GALNTL6: variants seen among roughly 807,000 people sequenced by gnomAD.
The protein encoded by GALNTL6 is polypeptide N-acetylgalactosaminyltransferase-like 6.
GALNTL6 carries 46 observed loss-of-function variants against 73.7 expected under a neutral mutation model. The observed-to-expected ratio is 0.62, with a 90% confidence interval of 0.49 to 0.80. The LOEUF (loss-of-function observed/expected upper bound fraction) is 0.80, where lower values mean the gene tolerates loss of function less well. GALNTL6 is among the 30% of genes least tolerant of loss of function. The probability of loss-of-function intolerance (pLI) is 0.00; values close to 1 mark genes in which losing one functional copy is unlikely to be tolerated. For missense variants in GALNTL6, 604 were observed against 755.0 expected (o/e 0.80, Z 2.34); for synonymous variants, 259 against 263.7 (o/e 0.98, Z 0.17).
At chr4:172,439,851 G>GT (rs1192948521) in intron 5 of GALNTL6, among the ~76,000 whole-genome samples, 1 of 151,962 alleles carries the variant, frequency 6.6e-6, no homozygotes, top group Non-Finnish European at 1.5e-5. Context: ...TGCCCAGTTG[G>GT]TTTCCCCCAT....
chr4:172,385,960 A>G (rs1743454099), intron 5 of GALNTL6, among the ~76,000 whole-genome samples: 1 of 152,070 alleles, frequency 6.6e-6, no homozygotes, highest in Non-Finnish European at 1.5e-5. Context: ...AATTACAATT[A>G]ACTTAAAGCA....
At chr4:172,205,529 C>T (rs549251420) in intron 2 of GALNTL6, among the ~76,000 whole-genome samples, 28 of 152,236 alleles carry the variant, frequency 1.8e-4, no homozygotes, top group African/African-American at 6.5e-4. Context: ...ATTATTAGAT[C>T]CAGGATATTA....
chr4:172,610,766 T>A (rs1325947494), intron 5 of GALNTL6, among the ~76,000 whole-genome samples: 2 of 152,110 alleles, frequency 1.3e-5, no homozygotes, highest in Non-Finnish European at 2.9e-5. Flanking sequence ...TGATGATCTG[T>A]CTAATACTGT....
intron 8 of GALNTL6, among the ~76,000 whole-genome samples, chr4:172,902,406 G>A (rs1055534308): frequency 2.6e-5 from 4 of 152,176 alleles, no homozygotes; most frequent in African/African-American, 7.2e-5. Context: ...CAAGGACTCT[G>A]CTCTGCAGAA....
intron 7 of GALNTL6, among the ~76,000 whole-genome samples, chr4:172,847,797 AT>A (rs1346912869): frequency 6.6e-6 from 1 of 152,164 alleles, no homozygotes; most frequent in Non-Finnish European, 1.5e-5. Flanking sequence ...GAGGACATCT[AT>A]GTAAATCAGT....
intron 5 of GALNTL6, among the ~76,000 whole-genome samples, chr4:172,686,287 C>T (rs1430709766): frequency 6.6e-6 from 1 of 152,120 alleles, no homozygotes; most frequent in East Asian, 1.9e-4. Flanking sequence ...GGTCCTGCAA[C>T]ATCAGCAGGA....
intron 5 of GALNTL6, among the ~76,000 whole-genome samples, chr4:172,714,449 C>G (rs923436977): frequency 1.1e-4 from 16 of 152,036 alleles, no homozygotes. Flanking sequence ...ATCGTAATAC[C>G]TACCTGACAG....
At chr4:171,839,608 A>G (rs1410720325) in intron 2 of GALNTL6, among the ~76,000 whole-genome samples, 5 of 151,928 alleles carry the variant, frequency 3.3e-5, no homozygotes, top group Non-Finnish European at 7.4e-5. Flanking sequence ...ACACATGCAT[A>G]GGTATGATTT....
chr4:172,151,127 G>T (rs1364527544), intron 2 of GALNTL6, among the ~76,000 whole-genome samples: 3 of 152,012 alleles, frequency 2.0e-5, no homozygotes, highest in Admixed American at 6.6e-5. Flanking sequence ...TTGACATCTG[G>T]TTACCATTCT....
At chr4:172,172,545 A>C (rs945930352) in intron 2 of GALNTL6, among the ~76,000 whole-genome samples, 2 of 152,118 alleles carry the variant, frequency 1.3e-5, no homozygotes, top group Non-Finnish European at 2.9e-5. Flanking sequence ...ACACACAAAC[A>C]CACAAAGATC....
intron 11 of GALNTL6, among the ~76,000 whole-genome samples, chr4:173,009,793 C>T (rs973536592): frequency 6.6e-6 from 1 of 152,174 alleles, no homozygotes; most frequent in Non-Finnish European, 1.5e-5. Flanking sequence ...TAAGCAACAG[C>T]ACCCCAACAT....
chr4:172,129,586 G>A (rs184242183), intron 2 of GALNTL6, among the ~76,000 whole-genome samples: 14 of 152,076 alleles, frequency 9.2e-5, no homozygotes, highest in African/African-American at 3.1e-4. Context: ...ACAGATGCAC[G>A]CATCCAAACC....
At chr4:172,815,021 GA>G (rs1186302023) in intron 7 of GALNTL6, among the ~76,000 whole-genome samples, 1 of 152,116 alleles carries the variant, frequency 6.6e-6, no homozygotes, top group Non-Finnish European at 1.5e-5. Context: ...AAAACTACTA[GA>G]AAATCTTTTT....
chr4:172,132,989 T>C (rs1438751466), intron 2 of GALNTL6, among the ~76,000 whole-genome samples: 1 of 152,230 alleles, frequency 6.6e-6, no homozygotes, highest in Non-Finnish European at 1.5e-5. Context: ...TCTAATTTTG[T>C]GTGTGCATGA....
At chr4:171,876,759 A>G (rs1560822987) in intron 2 of GALNTL6, among the ~76,000 whole-genome samples, 1 of 152,222 alleles carries the variant, frequency 6.6e-6, no homozygotes. Context: ...ATTGATAAAC[A>G]TATTTTTGTT....
chr4:171,937,740 A>G (rs1174159984), intron 2 of GALNTL6, among the ~76,000 whole-genome samples: 3 of 152,194 alleles, frequency 2.0e-5, no homozygotes, highest in African/African-American at 2.4e-5. Context: ...GAATGGTTAC[A>G]TAGGCAAATG....
At chr4:172,395,667 T>C (rs1419768131) in intron 5 of GALNTL6, among the ~76,000 whole-genome samples, 1 of 152,052 alleles carries the variant, frequency 6.6e-6, no homozygotes, top group African/African-American at 2.4e-5. Context: ...TGTAGTTCAA[T>C]AAAGAAAAAG....
At chr4:173,034,733 C>T (rs1753613627) in intron 12 of GALNTL6, among the ~76,000 whole-genome samples, 1 of 152,170 alleles carries the variant, frequency 6.6e-6, no homozygotes. Flanking sequence ...CCTGGCACTC[C>T]AGGTCCTTCT....
At chr4:172,379,296 C>A (rs1003132011) in intron 5 of GALNTL6, among the ~76,000 whole-genome samples, 1 of 151,760 alleles carries the variant, frequency 6.6e-6, no homozygotes, top group African/African-American at 2.4e-5. Flanking sequence ...TTTGGGAGGC[C>A]GAGGCGGGTG....
Sources: gnomAD v4.1 joint callset for allele counts (sites outside exome capture counted in the v4.1 genomes callset) on GRCh38, gnomAD v4.1.1 for gene constraint, MANE v1.5 for transcripts, NCBI Gene and HGNC (gene_info 2026-07-23, HGNC 2026-07-21) for gene names.